The following KDM3A variants were observed in gnomAD, a reference collection of about 807,000 sequenced individuals.
KDM3A encodes lysine-specific demethylase 3A.
KDM3A carries 60 observed loss-of-function variants against 158.0 expected under a neutral mutation model. That is an observed-to-expected ratio of 0.38 (90% CI 0.31 to 0.47). The LOEUF is 0.47. KDM3A is among the 20% of genes least tolerant of loss of function. The pLI, the probability that KDM3A is intolerant of heterozygous loss-of-function variation, is 0.99. For missense variants in KDM3A, 1,319 were observed against 1,574.3 expected (o/e 0.84, Z 2.74); for synonymous variants, 608 against 549.3 (o/e 1.11, Z -1.49).
At chr2:86,463,892 A>C (rs1673025703) in intron 8 of KDM3A, among the ~76,000 whole-genome samples, 161 bp from the exon 9 acceptor site, 1 of 152,186 alleles carries the variant, frequency 6.6e-6, no homozygotes, top group South Asian at 2.1e-4. Context: ...TAAAGCCCTG[A>C]ATTGTATAGT....
chr2:86,450,760 AT>A (rs995234517), intron 3 of KDM3A, among the ~76,000 whole-genome samples: 3 of 151,264 alleles, frequency 2.0e-5, no homozygotes, highest in African/African-American at 4.9e-5. Flanking sequence ...TGCTCTTTGT[AT>A]TTTTTTTTCC....
rs771379976 is a variant in KDM3A, at chr2:86,470,358, G to A, written c.1674G>A (p.Lys558=). The A allele has an allele frequency of 4.8e-5, 78 of 1,613,954 alleles. No homozygotes were observed. The highest frequency in any genetic ancestry group is 6.6e-5 in the Non-Finnish European group (78 of 1,179,984). ...GCTTGGACAGTCTCCGCAAGGATAA[G>A]GAGCAACAGAAGGACTCACCTGTGT... The part of the protein sequence containing the change: ...ECRLDSLRKD[K]EQQKDSPVFC... The change falls in exon 11 of 26, where the codon AAG becomes AAA. Residue 558 remains lysine, a synonymous_variant. Transcript: ENST00000312912.
chr2:86,466,886 G>T lies in KDM3A; in HGVS notation c.1519+3G>T. On this transcript the variant is annotated splice_donor_region_variant and intron_variant, in intron 10 of 25. Coordinates refer to ENST00000312912, the MANE Select transcript of KDM3A (RefSeq NM_018433.6). ...AAGCAACAATAAAATCCAGAATGGT[G>T]AGTGTTTCTCAATATCTTTATTGGT... 1 of 1,585,630 alleles carries T rather than the reference G, an allele frequency of 6.3e-7. No individual in the cohort carries two copies. Among genetic ancestry groups the T allele is most frequent in the South Asian group, 1.1e-5 (1 of 87,602 alleles).
intron 14 of KDM3A, 78 bp from the exon 15 acceptor site, chr2:86,478,530 C>A: frequency 6.7e-7 from 1 of 1,491,054 alleles, no homozygotes; most frequent in Non-Finnish European, 9.2e-7. Context: ...GTGGGGAATG[C>A]CAGCTTCTGC....
chr2:86,445,359 T>C (rs575558981), intron 2 of KDM3A, among the ~76,000 whole-genome samples: 2 of 152,378 alleles, frequency 1.3e-5, no homozygotes, highest in East Asian at 3.9e-4. Context: ...AAGACTGCTT[T>C]AATCTTATTT....
intron 11 of KDM3A, among the ~76,000 whole-genome samples, chr2:86,470,656 T>TA (rs1335683222): frequency 2.6e-5 from 4 of 152,182 alleles, no homozygotes; most frequent in African/African-American, 7.2e-5. Context: ...TAACAGTCAT[T>TA]ATAGAAAAAT....
At chr2:86,446,215 A>G (rs1300126169) in intron 2 of KDM3A, among the ~76,000 whole-genome samples, 1 of 152,240 alleles carries the variant, frequency 6.6e-6, no homozygotes, top group Non-Finnish European at 1.5e-5. Context: ...AATACCCATT[A>G]AAAGAAGAGC....
In KDM3A at chr2:86,491,123, T is replaced by C. The variant is rs754447252; in HGVS notation, c.3751-18T>C. The C allele has an allele frequency of 1.2e-6, 2 of 1,613,818 alleles. No homozygotes were observed. Among genetic ancestry groups the C allele is most frequent in the South Asian group, 1.1e-5 (1 of 91,076 alleles). Reference sequence around the variant, plus strand: ...AACTTTTGGGTTTGTTACTGATATATTACTTGGTGTTTTTCAGGTTCATAA... The same window carrying C: ...AACTTTTGGGTTTGTTACTGATATACTACTTGGTGTTTTTCAGGTTCATAA... On this transcript the variant is annotated intron_variant, in intron 24 of 25. Coordinates refer to ENST00000312912, the MANE Select transcript of KDM3A (RefSeq NM_018433.6).
At chr2:86,439,109 G>A (rs2104608041), upstream of KDM3A, among the ~76,000 whole-genome samples, 1 of 151,896 alleles carries the variant, frequency 6.6e-6, no homozygotes, top group South Asian at 2.1e-4. Context: ...AAAAATTATG[G>A]GTGGTATTGA....
intron 16 of KDM3A, among the ~76,000 whole-genome samples, chr2:86,481,272 A>G (rs974452238): frequency 1.3e-5 from 2 of 152,054 alleles, no homozygotes; most frequent in African/African-American, 4.8e-5. Flanking sequence ...TTGAGACGGA[A>G]TCTTGCTCTG....
intron 25 of KDM3A, 32 bp downstream of exon 25, chr2:86,491,307 G>T: frequency 1.2e-6 from 2 of 1,603,370 alleles, no homozygotes; most frequent in Non-Finnish European, 1.7e-6. Flanking sequence ...AGCATTCTTT[G>T]GCTATGGCTA....
chr2:86,452,174 A>G (rs1397202621), intron 4 of KDM3A, among the ~76,000 whole-genome samples: 2 of 144,636 alleles, frequency 1.4e-5, no homozygotes, highest in African/African-American at 5.0e-5. Flanking sequence ...TTTGCAGTCT[A>G]TTTAGTGCTG....
rs764801301 is a variant in KDM3A, at chr2:86,456,618, A to C, written c.681+52A>C. 46 of 1,526,026 alleles carry C rather than the reference A, an allele frequency of 3.0e-5. No homozygotes were observed. The Admixed American group carries it at 3.2e-4, about 11-fold the overall frequency. 94.5% of individuals were successfully genotyped at this position (1,526,026 alleles called of 1,614,324 possible). On this transcript the variant is annotated intron_variant, in intron 6 of 25. Coordinates refer to ENST00000312912, the MANE Select transcript of KDM3A (RefSeq NM_018433.6). The stretch of plus-strand genomic sequence containing the variant: ...GATAACTCGACAAAGCATGATAACT[A>C]TACAAAGCATTTATGATTTTCTAGG...
intron 20 of KDM3A, among the ~76,000 whole-genome samples, chr2:86,485,423 A>C (rs1674132345): frequency 6.6e-6 from 1 of 152,216 alleles, no homozygotes; most frequent in Non-Finnish European, 1.5e-5. Flanking sequence ...CTGAGCTTGA[A>C]ACTTTGAAAA....
chr2:86,490,153 G>GT (rs1242970618), intron 23 of KDM3A: 42 of 151,738 alleles, frequency 2.8e-4, no homozygotes, highest in Admixed American at 5.3e-4. Context: ...TAGTTGGCAG[G>GT]TTTTTTTTTC....
chr2:86,443,204 G>A (rs1484535755), intron 2 of KDM3A: 1 of 152,224 alleles, frequency 6.6e-6, no homozygotes, highest in African/African-American at 2.4e-5. Flanking sequence ...CTGCCTAGTA[G>A]ATGTGTTTCA....
chr2:86,440,967 G>A (rs1047440582), upstream of KDM3A: 1 of 152,236 alleles, frequency 6.6e-6, no homozygotes, highest in Non-Finnish European at 1.5e-5. Context: ...AATCCAGTAG[G>A]CACTTATAGC....
intron 21 of KDM3A, chr2:86,487,575 A>T (rs1674241188): frequency 6.6e-6 from 1 of 152,186 alleles, no homozygotes; most frequent in Admixed American, 6.5e-5. Flanking sequence ...AGGGGCAGCT[A>T]GTGGCAGGTC....
At chr2:86,470,473 A>G in intron 11 of KDM3A, 65 bp downstream of exon 11, 1 of 1,327,532 alleles carries the variant, frequency 7.5e-7, no homozygotes, top group South Asian at 1.2e-5. Context: ...CATCTGGCAT[A>G]CTTTTGTTAC....
Sources: allele counts gnomAD v4.1 joint callset (sites outside exome capture counted in the v4.1 genomes callset), GRCh38; gene constraint gnomAD v4.1.1; transcripts MANE v1.5; gene names NCBI Gene and HGNC (gene_info 2026-07-23, HGNC 2026-07-21).